The following SLC22A25 variants were observed in gnomAD, a reference collection of about 807,000 sequenced individuals.
The protein encoded by SLC22A25 is MGI:2442751, MGI:2385316, MGI:3042283, MGI:3645714, MGI:3605624, MGI:2442750.
A neutral mutation model predicts 45.9 loss-of-function variants in SLC22A25; 44 were observed. The ratio of observed to expected loss-of-function variants is 0.96; its 90% confidence interval spans 0.75 to 1.23. SLC22A25 has a LOEUF of 1.23. SLC22A25 is among the 50% of genes most tolerant of loss of function. The pLI, the probability that SLC22A25 is intolerant of heterozygous loss-of-function variation, is 0.00. For synonymous variants in SLC22A25, 283 were observed against 238.6 expected, an observed-to-expected ratio of 1.19 and a Z score of -1.72; for missense variants, 800 against 666.4, an observed-to-expected ratio of 1.20 and a Z score of -2.21.
intron 9 of SLC22A25, among the ~76,000 whole-genome samples, chr11:63,169,769 CA>C (rs1454067207): frequency 2.6e-5 from 4 of 152,154 alleles, no homozygotes; most frequent in Admixed American, 2.6e-4. Flanking sequence ...AGAAAATCAA[CA>C]AGGATATTCA....
chr11:63,227,816 T>C (rs2089991994), intron 5 of SLC22A25, among the ~76,000 whole-genome samples: 2 of 152,242 alleles, frequency 1.3e-5, no homozygotes, highest in African/African-American at 4.8e-5. Context: ...CCAAAACTCA[T>C]ATTCTGGACA....
Position 63,229,441 on chromosome 11 carries a change from G to A in SLC22A25, c.212C>T (p.Ala71Val). The change falls in exon 4 of 12, where the codon GCC (alanine) becomes GTC (valine). Residue 71 changes from alanine to valine, a missense_variant. Transcript: ENST00000306494. ...DNDPGTLSQDALLRISIPFDS... is the reference protein window; with the variant it reads ...DNDPGTLSQDVLLRISIPFDS... The stretch of plus-strand genomic sequence containing the variant: ...GAATGGGATGGAGATTCTCAGGAGG[G>A]CATCCTGGCTGAGGGTCCCAGGGTC... 1 of 1,614,074 alleles carries A rather than the reference G, an allele frequency of 6.2e-7. No individual in the cohort carries two copies. The highest frequency in any genetic ancestry group is 1.1e-5 in the South Asian group (1 of 91,078).
At position 63,187,613 on chromosome 11, in the gene SLC22A25, G is replaced by C. The variant is rs1341470465; in HGVS notation, c.831-3796C>G. On this transcript the variant is annotated intron_variant, in intron 7 of 11. Coordinates refer to ENST00000306494, the MANE Select transcript of SLC22A25 (RefSeq NM_199352.6). ...AGGAGTGGTGAGAGAGGGCATCCCT[G>C]TCTTGTGCCAGTTTTCAAAGGGAAT... Among the ~76,000 whole-genome samples the C allele has an allele frequency of 2.0e-5, 3 of 152,190 alleles. No homozygotes were observed. The East Asian group carries it at 5.8e-4, about 29-fold the overall frequency.
Position 63,158,946 on chromosome 11 carries a change from A to C in SLC22A25, c.*4878T>G, listed in dbSNP as rs189801805. Among the ~76,000 whole-genome samples, 1 of 151,896 alleles carries C rather than the reference A, an allele frequency of 6.6e-6. No homozygotes were observed. Among genetic ancestry groups the C allele is most frequent in the Non-Finnish European group, 1.5e-5 (1 of 67,994 alleles). The stretch of plus-strand genomic sequence containing the variant: ...CTCTGGTAATCATCCTTCTCTCTCT[A>C]TGTCTATGAGTTCAATTGTTTTTAT... On this transcript the variant is annotated 3_prime_UTR_variant, in exon 12 of 12. Transcript: ENST00000306494.
chr11:63,186,006 G>A (rs7927252), intron 7 of SLC22A25, among the ~76,000 whole-genome samples: 5,234 of 151,890 alleles, frequency 0.034, 290 homozygotes, highest in African/African-American at 0.12. Flanking sequence ...ATAAACATAC[G>A]TGTGCATGTG....
Position 63,160,468 on chromosome 11 carries a change from T to G in SLC22A25, c.*3356A>C, listed in dbSNP as rs893698083. On this transcript the variant is annotated 3_prime_UTR_variant, in exon 12 of 12. Transcript: ENST00000306494. ...AGGTTTGGGAACCTCCACCTAGATTTCAGAGGATGTATGGAAATGCCTGGA... is the reference window on the plus strand; with the variant it reads ...AGGTTTGGGAACCTCCACCTAGATTGCAGAGGATGTATGGAAATGCCTGGA... Among the ~76,000 whole-genome samples the G allele has an allele frequency of 1.6e-4, 25 of 152,262 alleles. No individual in the cohort carries two copies. The highest frequency in any genetic ancestry group is 5.5e-4 in the African/African-American group (23 of 41,544).
chr11:63,218,522 A>G (rs2089777306), intron 5 of SLC22A25, among the ~76,000 whole-genome samples: 1 of 152,232 alleles, frequency 6.6e-6, no homozygotes, highest in Admixed American at 6.5e-5. Flanking sequence ...AATTAAAAAA[A>G]GAGAAATATC....
intron 7 of SLC22A25, among the ~76,000 whole-genome samples, chr11:63,185,121 A>G (rs1384242703): frequency 6.6e-6 from 1 of 152,176 alleles, no homozygotes; most frequent in East Asian, 1.9e-4. Flanking sequence ...TAATGCAATC[A>G]CAAGTATTTT....
chr11:63,232,470 T>C (rs2090087691), intron 3 of SLC22A25, among the ~76,000 whole-genome samples: 1 of 152,218 alleles, frequency 6.6e-6, no homozygotes, highest in African/African-American at 2.4e-5. Flanking sequence ...TTGTGATTTT[T>C]GCACATTGAT....
At chr11:63,168,201 A>C (rs774698154) in intron 9 of SLC22A25, 1 of 153,778 alleles carries the variant, frequency 6.5e-6, no homozygotes, top group Non-Finnish European at 1.4e-5. Context: ...TAAATCCATA[A>C]AGATGAGGAA....
chr11:63,189,745 G>C (rs2088721505), intron 7 of SLC22A25, among the ~76,000 whole-genome samples: 1 of 152,148 alleles, frequency 6.6e-6, no homozygotes, highest in African/African-American at 2.4e-5. Context: ...GCCTAATGGT[G>C]ACAAAATCTC....
chr11:63,177,916 CT>C (rs202010380), intron 9 of SLC22A25, among the ~76,000 whole-genome samples: 4 of 82,256 alleles, frequency 4.9e-5, no homozygotes, highest in Admixed American at 1.3e-4. Context: ...ATCCCATTTT[CT>C]TTTTTTTTGA....
chr11:63,197,751 G>A (rs1044559069), intron 7 of SLC22A25, among the ~76,000 whole-genome samples: 1 of 152,184 alleles, frequency 6.6e-6, no homozygotes, highest in African/African-American at 2.4e-5. Flanking sequence ...AAGAGCTTCT[G>A]CACAGCAAAA....
At chr11:63,221,974 G>A (rs2089862965) in intron 5 of SLC22A25, among the ~76,000 whole-genome samples, 1 of 152,000 alleles carries the variant, frequency 6.6e-6, no homozygotes, top group African/African-American at 2.4e-5. Flanking sequence ...TCTCCATTCT[G>A]TTCCATTGGT....
intron 5 of SLC22A25, chr11:63,218,004 G>T (rs1401939836): frequency 8.3e-6 from 5 of 600,388 alleles, no homozygotes; most frequent in Non-Finnish European, 1.5e-5. Context: ...AGACAGGCTG[G>T]GATGTTGAAA....
chr11:63,180,745 C>A lies in SLC22A25; in HGVS notation c.985G>T (p.Glu329Ter), dbSNP rs747049555. The A allele has an allele frequency of 1.1e-5, 17 of 1,613,128 alleles. No homozygotes were observed. In the South Asian group the frequency reaches 1.9e-4, roughly 18 times the overall value. ...VLKSTMKQELEAAQKKHSLCE... is the reference protein window; with the variant it reads ...VLKSTMKQEL ...AGAGAATGCTTTTTCTGTGCTGCCT[C>A]CAGTTCTTGCTTCATGGTGGATTTC... The change falls in exon 9 of 12, where the codon GAG becomes TAG. Residue 329 changes from glutamate to a stop codon, truncating the protein, a stop_gained. Coordinates refer to ENST00000306494, the MANE Select transcript of SLC22A25 (RefSeq NM_199352.6). LOFTEE classifies it high-confidence loss of function.
chr11:63,197,723 T>A (rs909379966), intron 7 of SLC22A25, among the ~76,000 whole-genome samples: 2 of 152,116 alleles, frequency 1.3e-5, no homozygotes, highest in African/African-American at 4.8e-5. Context: ...AATTGACAAA[T>A]GGCATCTAAG....
intron 7 of SLC22A25, among the ~76,000 whole-genome samples, 176 bp from the exon 8 acceptor site, chr11:63,183,993 C>T (rs1225663383): frequency 3.3e-5 from 5 of 152,090 alleles, no homozygotes; most frequent in Non-Finnish European, 7.4e-5. Context: ...AAGGGTGACT[C>T]TCTGTGCAGT....
intron 7 of SLC22A25, among the ~76,000 whole-genome samples, chr11:63,189,057 T>A (rs1475116770): frequency 1.3e-5 from 2 of 152,222 alleles, no homozygotes; most frequent in African/African-American, 4.8e-5. Flanking sequence ...AGATGTCTAT[T>A]AGGTCCACTT....
Sources: allele counts gnomAD v4.1 joint callset (sites outside exome capture counted in the v4.1 genomes callset), GRCh38; gene constraint gnomAD v4.1.1; transcripts MANE v1.5; gene names NCBI Gene and HGNC (gene_info 2026-07-23, HGNC 2026-07-21).